The following GOSR2 variants were observed in gnomAD, a reference collection of about 807,000 sequenced individuals.
GOSR2 encodes the protein golgi SNAP receptor complex member 2, also known as 27 kDa Golgi SNARE protein.
A neutral mutation model predicts 27.9 loss-of-function variants in GOSR2; 20 were observed. The ratio of observed to expected loss-of-function variants is 0.72; its 90% confidence interval spans 0.50 to 1.04. The LOEUF (loss-of-function observed/expected upper bound fraction) is 1.04, where lower values mean the gene tolerates loss of function less well. Ranked by LOEUF, GOSR2 falls within the 50% of genes least tolerant of loss-of-function variation. The probability of loss-of-function intolerance (pLI) is 0.00; values close to 1 mark genes in which losing one functional copy is unlikely to be tolerated. For synonymous variants in GOSR2, 91 were observed against 98.8 expected, an observed-to-expected ratio of 0.92 and a Z score of 0.47; for missense variants, 261 against 270.5, an observed-to-expected ratio of 0.97 and a Z score of 0.25.
In GOSR2 at chr17:46,938,570, G is replaced by GT. The variant is rs552913709; in HGVS notation, c.478-20dup. ...CTCTTGGTAAAGCGACTTGATGTTT[G>GT]TTTTTTTTTCTGTTCTCTTCTGCCC... On this transcript the variant is annotated intron_variant, in intron 5 of 5. Transcript: ENST00000640051. 6.5e-3 allele frequency: 10,047 copies of GT among 1,537,348 alleles called. 17 individuals are homozygous for GT. Among genetic ancestry groups the GT allele is most frequent in the Non-Finnish European group, 7.9e-3 (8,839 of 1,119,388 alleles).
At chr17:46,931,257 A>C in intron 3 of GOSR2, 50 bp downstream of exon 3, 1 of 892,070 alleles carries the variant, frequency 1.1e-6, no homozygotes, top group Non-Finnish European at 1.9e-6. Flanking sequence ...CCATCAAGAC[A>C]GGCTTTTCTC....
downstream of GOSR2, among the ~76,000 whole-genome samples, chr17:46,970,838 G>C (rs1183947926): frequency 6.6e-6 from 1 of 152,250 alleles, no homozygotes; most frequent in East Asian, 1.9e-4. Context: ...ACACTGATAA[G>C]TGAAAAACAG....
chr17:46,929,937 G>A (rs1321993507), intron 2 of GOSR2: 1 of 206,034 alleles, frequency 4.9e-6, no homozygotes, highest in East Asian at 1.1e-4. Context: ...TCTGAGCTGA[G>A]AACTGTGGCT....
chr17:46,934,145 G>A (rs1236340139), intron 4 of GOSR2, among the ~76,000 whole-genome samples: 1 of 149,072 alleles, frequency 6.7e-6, no homozygotes, highest in Admixed American at 6.6e-5. Flanking sequence ...CCTGCGCTCA[G>A]TACCCACATT....
chr17:46,952,267 A>G (rs763282051), intron 6 of GOSR2, among the ~76,000 whole-genome samples: 1 of 152,220 alleles, frequency 6.6e-6, no homozygotes, highest in Non-Finnish European at 1.5e-5. Context: ...CAGCAGGGTC[A>G]GCGCCTGAAG....
intron 6 of GOSR2, among the ~76,000 whole-genome samples, chr17:46,947,502 G>A (rs1289792731): frequency 6.6e-6 from 1 of 152,166 alleles, no homozygotes. Context: ...TGTCAGGCTG[G>A]TGTGGGTGTG....
At chr17:46,950,459 T>C (rs2090252504) in intron 6 of GOSR2, among the ~76,000 whole-genome samples, 1 of 152,172 alleles carries the variant, frequency 6.6e-6, no homozygotes, top group Non-Finnish European at 1.5e-5. Flanking sequence ...AAGCCCATAC[T>C]ACAAATTGCT....
At chr17:46,931,841 G>A in intron 3 of GOSR2, 1 of 587,466 alleles carries the variant, frequency 1.7e-6, no homozygotes, top group Non-Finnish European at 3.0e-6. Context: ...AGATTCTGAA[G>A]TCAAGCTGCT....
intron 1 of GOSR2, among the ~76,000 whole-genome samples, chr17:46,927,596 G>A (rs1052354392): frequency 1.3e-5 from 2 of 152,082 alleles, no homozygotes; most frequent in Admixed American, 6.6e-5. Flanking sequence ...TTTTCTGTAC[G>A]GGTAACAAAC....
In GOSR2 at chr17:46,929,517, T is replaced by A; in HGVS notation, c.30-3T>A. On this transcript the variant is annotated splice_polypyrimidine_tract_variant and splice_region_variant and intron_variant, in intron 1 of 5. Coordinates refer to ENST00000640051, the MANE Select transcript of GOSR2 (RefSeq NM_004287.5). ...ACTCATTTCCTCCCTCTTCCTTTGA[T>A]AGGCAGGTCCACGAGATCCAGTCTT... 6.6e-7 allele frequency: 1 copy of A among 1,509,882 alleles called. No individual in the cohort carries two copies. Among genetic ancestry groups the A allele is most frequent in the Non-Finnish European group, 9.2e-7 (1 of 1,085,068 alleles). 93.5% of individuals were successfully genotyped at this position (1,509,882 alleles called of 1,614,324 possible). A position where few individuals can be genotyped will look rare whatever the true frequency, so the allele number is the denominator to read the frequency against.
At chr17:46,948,492 T>A (rs1347411378) in intron 6 of GOSR2, 1 of 152,262 alleles carries the variant, frequency 6.6e-6, no homozygotes. Flanking sequence ...CCTGTGTTCT[T>A]CATCAGAAGA....
chr17:46,965,797 A>T lies in GOSR2; in HGVS notation c.584-737A>T, dbSNP rs867657021. Among the ~76,000 whole-genome samples the T allele has an allele frequency of 8.9e-3, 1,231 of 137,674 alleles. 7 individuals are homozygous for T. The highest frequency in any genetic ancestry group is 0.037 in the Middle Eastern group (10 of 270). 90.3% of individuals were successfully genotyped at this position (137,674 alleles called of 152,430 possible). On this transcript the variant is annotated intron_variant, in intron 6 of 6. Transcript: ENST00000573224. ...AGCACCATGCCCAGCTAATTTTTGT[A>T]TTTTTTTTTTTTTTGTAGAGGCGGG...
downstream of GOSR2, among the ~76,000 whole-genome samples, chr17:46,945,445 A>G (rs2089765671): frequency 6.6e-6 from 1 of 152,068 alleles, no homozygotes; most frequent in Non-Finnish European, 1.5e-5. Flanking sequence ...AGTGTTTGAG[A>G]TGGGGTTGGC....
intron 2 of GOSR2, chr17:46,930,187 C>T (rs1268672877): frequency 1.3e-5 from 2 of 152,946 alleles, no homozygotes; most frequent in African/African-American, 2.4e-5. Flanking sequence ...TGTCTCCTTT[C>T]GCAGCTTCAA....
intron 4 of GOSR2, chr17:46,932,457 G>T (rs1433562817): frequency 1.3e-5 from 8 of 599,494 alleles, no homozygotes; most frequent in Non-Finnish European, 2.1e-5. Context: ...ACCTGGTTGG[G>T]CTGGTCTGAG....
At chr17:46,936,980 A>T (rs1384078976) in intron 5 of GOSR2, 1 of 225,750 alleles carries the variant, frequency 4.4e-6, no homozygotes, top group Non-Finnish European at 7.3e-6. Context: ...AAAAAAAAAA[A>T]GGATATGGGG....
At chr17:46,937,829 T>G (rs1014171452) in intron 5 of GOSR2, 2 of 152,514 alleles carry the variant, frequency 1.3e-5, no homozygotes, top group Non-Finnish European at 2.9e-5. Flanking sequence ...GTTTGTTCAT[T>G]CATCTTGTGA....
At position 46,940,453 on chromosome 17, in the gene GOSR2, T is replaced by G; in HGVS notation, c.*1693T>G. The G allele has an allele frequency of 4.4e-6, 7 of 1,608,718 alleles. No individual in the cohort carries two copies. The highest frequency in any genetic ancestry group is 5.9e-6 in the Non-Finnish European group (7 of 1,179,522). On this transcript the variant is annotated 3_prime_UTR_variant, in exon 6 of 6. Coordinates refer to ENST00000640051, the MANE Select transcript of GOSR2 (RefSeq NM_004287.5). ...TGGGGAGGCACATTGACATTTCCAT[T>G]ACACACAGCACTGCTGCGGTGCCAG...
In GOSR2 at chr17:46,940,093, C is replaced by G. The variant is rs576494888; in HGVS notation, c.*1333C>G. On this transcript the variant is annotated 3_prime_UTR_variant, in exon 6 of 6. Coordinates refer to ENST00000640051, the MANE Select transcript of GOSR2 (RefSeq NM_004287.5). ...CTTGAACTGTCTTCTGTCTTATTTC[C>G]CTTCCTTTCTGTGTTCCTCTTCACC... The G allele has an allele frequency of 6.2e-5, 71 of 1,141,024 alleles. No homozygotes were observed. In the African/African-American group the frequency reaches 1.1e-3, roughly 17 times the overall value. 70.7% of individuals were successfully genotyped at this position (1,141,024 alleles called of 1,614,324 possible).
Sources: gnomAD v4.1 joint callset for allele counts (sites outside exome capture counted in the v4.1 genomes callset) on GRCh38, gnomAD v4.1.1 for gene constraint, MANE v1.5 for transcripts, NCBI Gene and HGNC (gene_info 2026-07-23, HGNC 2026-07-21) for gene names.